The following ACAA1 variants were observed in gnomAD, a reference collection of about 807,000 sequenced individuals.
ACAA1 encodes acetyl-CoA acyltransferase 1.
Under a neutral mutation model 48.8 loss-of-function variants are expected in ACAA1, and 44 were observed. The ratio of observed to expected loss-of-function variants is 0.90; its 90% confidence interval spans 0.71 to 1.16. ACAA1 has a LOEUF of 1.16. ACAA1 is among the 50% of genes most tolerant of loss of function. ACAA1 has a pLI of 0.00. For missense variants in ACAA1, 512 were observed against 562.3 expected (o/e 0.91, Z 0.90); for synonymous variants, 233 against 226.5 (o/e 1.03, Z -0.26).
Position 38,125,661 on chromosome 3 carries a change from G to A in ACAA1, c.1103C>T (p.Pro368Leu), listed in dbSNP as rs1163698345. The A allele has an allele frequency of 6.3e-7, 1 of 1,599,388 alleles. No homozygotes were observed. Among genetic ancestry groups the A allele is most frequent in the Non-Finnish European group, 8.5e-7 (1 of 1,171,544 alleles). Residue 368 changes from proline (P) to leucine (L), a missense_variant, in exon 11 of 12, where the codon CCC becomes CTC. Physicochemically the swap from Pro to Leu is moderately conservative, Grantham distance 98. Coordinates refer to ENST00000333167, the MANE Select transcript of ACAA1 (RefSeq NM_001607.4). ...KLRLPPEKVN[P>L]LGGAVALGHP... ...CCCTAAGGCCACTGCACCCCCCAGG[G>A]GGTTCACCTTCTCAGGGGGGAGTCG... is the stretch of plus-strand genomic sequence containing the variant.
At chr3:38,124,258 C>T (rs1231769097) in intron 11 of ACAA1, 5 of 152,162 alleles carry the variant, frequency 3.3e-5, no homozygotes, top group Non-Finnish European at 7.3e-5. Context: ...AGCTTTATAA[C>T]TGCAGTCATA....
rs1054051297 is a variant in ACAA1 at position 38,126,753 on chromosome 3, C to T, written c.627-53G>A. On this transcript the variant is annotated intron_variant, in intron 7 of 11. Transcript: ENST00000333167. The surrounding 1 kb of genome is among the most constrained non-coding windows in gnomAD (Gnocchi z 4.7). Reference sequence around the variant, plus strand: ...AGACTCCCTTGGGGTTCCCTTCCTCCCTGCCCCCAACCCCTATCCATTTGG... The same window carrying T: ...AGACTCCCTTGGGGTTCCCTTCCTCTCTGCCCCCAACCCCTATCCATTTGG... The T allele has an allele frequency of 6.2e-7, 1 of 1,604,066 alleles. No individual in the cohort carries two copies. The highest frequency in any genetic ancestry group is 1.3e-5 in the African/African-American group (1 of 74,854).
intron 5 of ACAA1, among the ~76,000 whole-genome samples, chr3:38,130,867 G>A (rs558042956): frequency 2.2e-4 from 34 of 152,236 alleles, no homozygotes; most frequent in Non-Finnish European, 4.4e-4. Context: ...ATACCCTAAA[G>A]AGGATGTGAA....
In ACAA1 at chr3:38,129,399, G is replaced by A; in HGVS notation, c.447-11C>T. Reference sequence around the variant, plus strand: ...GACATGGACTCCACCCTGGGGAGGAGGAAGAGGAGGAGAAGGTAAGGTGAA... The same window carrying A: ...GACATGGACTCCACCCTGGGGAGGAAGAAGAGGAGGAGAAGGTAAGGTGAA... On this transcript the variant is annotated splice_polypyrimidine_tract_variant and intron_variant, in intron 5 of 11. Coordinates refer to ENST00000333167, the MANE Select transcript of ACAA1 (RefSeq NM_001607.4). The surrounding 1 kb of genome is among the most constrained non-coding windows in gnomAD (Gnocchi z 5.3). The A allele has an allele frequency of 6.2e-7, 1 of 1,604,704 alleles. No individual in the cohort carries two copies. The highest frequency in any genetic ancestry group is 8.5e-7 in the Non-Finnish European group (1 of 1,171,700).
intron 2 of ACAA1, chr3:38,134,570 G>A (rs2125771037): frequency 2.2e-6 from 1 of 453,496 alleles, no homozygotes; most frequent in Admixed American, 2.4e-5. Context: ...AAGAAAAATT[G>A]TTTCTGCTTT....
rs899625097 is a variant in ACAA1, at chr3:38,129,594, C to G, written c.447-206G>C. Among the ~76,000 whole-genome samples the G allele has an allele frequency of 2.0e-5, 3 of 152,208 alleles. No homozygotes were observed. The highest frequency in any genetic ancestry group is 2.0e-4 in the Admixed American group (3 of 15,276). On this transcript the variant is annotated intron_variant, in intron 5 of 11. Transcript: ENST00000333167. This position sits in a 1 kb window ranked among gnomAD's most constrained non-coding sequence, Gnocchi z 5.3. The stretch of plus-strand genomic sequence containing the variant: ...CCCTGTCTCTATTTCGACCCCCACC[C>G]CAGGACAGAGCACTGCACAATAAAC...
chr3:38,129,334 G>A lies in ACAA1; in HGVS notation c.501C>T (p.Arg167=). 6.2e-7 allele frequency: 1 copy of A among 1,614,148 alleles called. No homozygotes were observed. Among genetic ancestry groups the A allele is most frequent in the Non-Finnish European group, 8.5e-7 (1 of 1,180,020 alleles). The change falls in exon 6 of 12, where the codon CGC becomes CGT. Residue 167 remains arginine (R), a synonymous_variant. Transcript: ENST00000333167. The surrounding 1 kb of genome is among the most constrained non-coding windows in gnomAD (Gnocchi z 5.3). ...DRGNPGNITS[R]LMEKEKARDC... The stretch of plus-strand genomic sequence containing the variant: ...CTCTGGCCTTCTCCTTCTCCATCAA[G>A]CGCGAAGTAATATTTCCAGGGTTCC...
chr3:38,132,149 C>T, intron 3 of ACAA1, 144 bp from the exon 4 acceptor site: 3 of 637,888 alleles, frequency 4.7e-6, no homozygotes, highest in Non-Finnish European at 5.4e-6. Flanking sequence ...CCATGCCAGG[C>T]CAGATCCATG....
rs1373792791 is a variant in ACAA1 at position 38,123,019 on chromosome 3, G to T, written c.*28C>A. ...TGCTGCTAGAGCAGCAGGACTGTCT[G>T]CGTAGCGCCTCCAGCCTGGGACCTC... On this transcript the variant is annotated 3_prime_UTR_variant, in exon 12 of 12. Coordinates refer to ENST00000333167, the MANE Select transcript of ACAA1 (RefSeq NM_001607.4). The T allele has an allele frequency of 2.5e-6, 4 of 1,611,542 alleles. No individual in the cohort carries two copies. Among genetic ancestry groups the T allele is most frequent in the Non-Finnish European group, 3.4e-6 (4 of 1,178,144 alleles).
Position 38,129,705 on chromosome 3 carries a change from A to T in ACAA1, c.447-317T>A, listed in dbSNP as rs1358864277. On this transcript the variant is annotated intron_variant, in intron 5 of 11. Transcript: ENST00000333167. This position sits in a 1 kb window ranked among gnomAD's most constrained non-coding sequence, Gnocchi z 5.3. Reference sequence around the variant, plus strand: ...AGAGAAAAGCCTTCTGCTGTCAGCCACAGAGGAGGAAACACATCCACAAGC... The same window carrying T: ...AGAGAAAAGCCTTCTGCTGTCAGCCTCAGAGGAGGAAACACATCCACAAGC... 1.3e-5 allele frequency among the ~76,000 whole-genome samples: 2 copies of T among 152,246 alleles called. No homozygotes were observed. The highest frequency in any genetic ancestry group is 2.9e-5 in the Non-Finnish European group (2 of 68,034).
intron 2 of ACAA1, among the ~76,000 whole-genome samples, chr3:38,135,809 C>A (rs1575267947): frequency 6.6e-6 from 1 of 152,198 alleles, no homozygotes; most frequent in Middle Eastern, 3.4e-3. Context: ...TCAGCACCGA[C>A]CCTTTACGGG....
intron 2 of ACAA1, among the ~76,000 whole-genome samples, chr3:38,134,996 T>C (rs559061368): frequency 2.2e-4 from 33 of 150,426 alleles, no homozygotes; most frequent in African/African-American, 7.8e-4. Flanking sequence ...GACTATTGGT[T>C]CTATTTACTG....
In ACAA1 at chr3:38,134,000, A is replaced by C; in HGVS notation, c.275T>G (p.Leu92Arg). ...CATGATTGCCCCGGCCCCAGGCTGC[A>C]GCACATTTCCTGTGGACAACAAACT... ...QLGDICVGNV[L>R]QPGAGAIMAR... Residue 92 changes from leucine (L) to arginine (R), a missense_variant, in exon 3 of 12, where the codon CTG (leucine) becomes CGG (arginine). Transcript: ENST00000333167. The C allele has an allele frequency of 6.2e-7, 1 of 1,613,842 alleles. No individual in the cohort carries two copies. The highest frequency in any genetic ancestry group is 8.5e-7 in the Non-Finnish European group (1 of 1,179,844).
chr3:38,123,170 A>G (rs751736868), intron 11 of ACAA1, 48 bp from the exon 12 acceptor site: 1 of 1,572,660 alleles, frequency 6.4e-7, no homozygotes, highest in Admixed American at 1.7e-5. Context: ...CCACCAAATT[A>G]CCTCCAGACC....
At chr3:38,130,801 T>C (rs1022243860) in intron 5 of ACAA1, among the ~76,000 whole-genome samples, 4 of 152,200 alleles carry the variant, frequency 2.6e-5, no homozygotes, top group Non-Finnish European at 4.4e-5. Flanking sequence ...TCATTACAAC[T>C]CAGTGACAGC....
At chr3:38,135,882 G>A (rs558395540) in intron 2 of ACAA1, among the ~76,000 whole-genome samples, 58 of 152,184 alleles carry the variant, frequency 3.8e-4, no homozygotes, top group African/African-American at 1.2e-3. Flanking sequence ...TACGGGTGTC[G>A]GGCTGGGGGA....
rs771877476 is a variant in ACAA1 at position 38,125,623 on chromosome 3, A to G, written c.1141T>C (p.Cys381Arg). Residue 381 changes from cysteine to arginine, a missense_variant, in exon 11 of 12, where the codon TGC becomes CGC. Transcript: ENST00000333167. ...GTGATGACCTGTCGTGCCCCAGTGC[A>G]GCCCAGTGGGTGCCCTAAGGCCACT... ...GAVALGHPLG[C>R]TGARQVITLL... The G allele has an allele frequency of 1.3e-5, 20 of 1,598,522 alleles. No homozygotes were observed. Among genetic ancestry groups the G allele is most frequent in the Admixed American group, 1.7e-5 (1 of 58,116 alleles).
Position 38,129,451 on chromosome 3 carries a change from G to T in ACAA1, c.447-63C>A. ...TGGGCCCTAGCAGGACTCCTCCAGA[G>T]ATAGCTGAACACTTGGCAAGTGCTA... On this transcript the variant is annotated intron_variant, in intron 5 of 11. Transcript: ENST00000333167. The surrounding 1 kb of genome is among the most constrained non-coding windows in gnomAD (Gnocchi z 5.3). 7.6e-7 allele frequency: 1 copy of T among 1,324,068 alleles called. No homozygotes were observed. Among genetic ancestry groups the T allele is most frequent in the Non-Finnish European group, 1.1e-6 (1 of 926,734 alleles). The allele number at this position is 1,324,068 out of a possible 1,614,324, so 82.0% of individuals were successfully genotyped here. A position where few individuals can be genotyped will look rare whatever the true frequency, so the allele number is the denominator to read the frequency against.
chr3:38,135,267 GT>G (rs1181905062), intron 2 of ACAA1: 19 of 152,192 alleles, frequency 1.2e-4, no homozygotes, highest in African/African-American at 4.3e-4. Context: ...ACACCTGTGG[GT>G]ATTTCTCGCA....
Sources: allele counts gnomAD v4.1 joint callset (sites outside exome capture counted in the v4.1 genomes callset), GRCh38; gene constraint gnomAD v4.1.1; non-coding constraint Gnocchi (gnomAD v3.1); transcripts MANE v1.5; gene names NCBI Gene and HGNC (gene_info 2026-07-23, HGNC 2026-07-21).